ANKMY1: variants seen among roughly 807,000 people sequenced by gnomAD.
ANKMY1 encodes ankyrin repeat and MYND domain-containing protein 1.
ANKMY1 carries 98 observed loss-of-function variants against 102.0 expected under a neutral mutation model. That is an observed-to-expected ratio of 0.96 (90% CI 0.82 to 1.14). The LOEUF (loss-of-function observed/expected upper bound fraction) is 1.14, where lower values mean the gene tolerates loss of function less well. ANKMY1 is among the 50% of genes most tolerant of loss of function. ANKMY1 has a pLI of 0.00. For synonymous variants in ANKMY1, 582 were observed against 559.9 expected, an observed-to-expected ratio of 1.04 and a Z score of -0.56; for missense variants, 1,330 against 1,347.6, an observed-to-expected ratio of 0.99 and a Z score of 0.20.
At chr2:240,516,330 T>C (rs989505633) in intron 9 of ANKMY1, among the ~76,000 whole-genome samples, 1 of 152,048 alleles carries the variant, frequency 6.6e-6, no homozygotes, top group Non-Finnish European at 1.5e-5. Context: ...TTTTGGGGGG[T>C]ATTGGGTCCC....
chr2:240,523,489 T>A, intron 8 of ANKMY1: 1 of 237,110 alleles, frequency 4.2e-6, no homozygotes, highest in Admixed American at 5.1e-5. Flanking sequence ...ATAGACAGGG[T>A]GGACAGCAGG....
chr2:240,501,842 C>T (rs2078238503), intron 13 of ANKMY1, among the ~76,000 whole-genome samples: 1 of 152,212 alleles, frequency 6.6e-6, no homozygotes, highest in Non-Finnish European at 1.5e-5. Context: ...TGAGGCCAGG[C>T]AAGGCCTACG....
At chr2:240,496,820 T>C (rs996011691) in intron 15 of ANKMY1, among the ~76,000 whole-genome samples, 1 of 152,226 alleles carries the variant, frequency 6.6e-6, no homozygotes, top group Non-Finnish European at 1.5e-5. Flanking sequence ...ACTGATCCAA[T>C]TAGAATTCGA....
chr2:240,489,937 C>A (rs2076452229), intron 15 of ANKMY1, among the ~76,000 whole-genome samples: 1 of 152,172 alleles, frequency 6.6e-6, no homozygotes, highest in African/African-American at 2.4e-5. Flanking sequence ...TTCAATCTTG[C>A]TACTCATTAT....
At position 240,481,098 on chromosome 2, in the gene ANKMY1, C is replaced by T. The variant is rs1003333351; in HGVS notation, c.2886-1G>A. ...GTAGCAGAACTTGAAGAAGGGAATTCTGCAACAGAGCCTCACCGTCAGCAG... is the reference window on the plus strand; with the variant it reads ...GTAGCAGAACTTGAAGAAGGGAATTTTGCAACAGAGCCTCACCGTCAGCAG... On this transcript the variant is annotated splice_acceptor_variant, in intron 16 of 17. Transcript: ENST00000401804. LOFTEE classifies it high-confidence loss of function. The T allele has an allele frequency of 6.2e-7, 1 of 1,607,264 alleles. No homozygotes were observed. The highest frequency in any genetic ancestry group is 1.3e-5 in the African/African-American group (1 of 74,892).
At chr2:240,531,582 T>C (rs1353808986) in intron 4 of ANKMY1, among the ~76,000 whole-genome samples, 2 of 152,186 alleles carry the variant, frequency 1.3e-5, no homozygotes, top group Non-Finnish European at 2.9e-5. Flanking sequence ...ATGTAAAACA[T>C]GTATGAGTCT....
intron 3 of ANKMY1, chr2:240,554,627 T>A (rs917093408): frequency 3.9e-6 from 2 of 510,358 alleles, no homozygotes; most frequent in Non-Finnish European, 7.0e-6. Context: ...GAATAAGAAC[T>A]TATCTTCTTA....
chr2:240,532,034 C>T (rs778487989), intron 4 of ANKMY1: 7 of 447,600 alleles, frequency 1.6e-5, no homozygotes, highest in African/African-American at 6.2e-5. Context: ...ACCTGCAATT[C>T]GAGTACCAGA....
intron 9 of ANKMY1, among the ~76,000 whole-genome samples, chr2:240,517,800 T>A (rs1335022283): frequency 6.6e-6 from 1 of 152,132 alleles, no homozygotes; most frequent in Non-Finnish European, 1.5e-5. Flanking sequence ...AGTGGGACCC[T>A]GCCTCAAAAG....
intron 5 of ANKMY1, chr2:240,527,051 G>A (rs1384373332): frequency 1.0e-6 from 1 of 976,346 alleles, no homozygotes; most frequent in Admixed American, 5.7e-5. Context: ...GTAGGTGGAT[G>A]TATGTTGCAT....
At chr2:240,542,184 G>A (rs2089042298) in intron 4 of ANKMY1, among the ~76,000 whole-genome samples, 1 of 148,800 alleles carries the variant, frequency 6.7e-6, no homozygotes, top group Admixed American at 6.7e-5. Flanking sequence ...CTCTAGCCTG[G>A]GTGACAGCAA....
At chr2:240,500,228 T>C in intron 14 of ANKMY1, 105 bp from the exon 15 acceptor site, 1 of 1,380,582 alleles carries the variant, frequency 7.2e-7, no homozygotes, top group Non-Finnish European at 9.6e-7. Flanking sequence ...GATATATAAC[T>C]GAGGACGAAC....
chr2:240,557,430 G>A lies in ANKMY1; in HGVS notation c.-17-78C>T, dbSNP rs989649168. 6 of 1,393,416 alleles carry A rather than the reference G, an allele frequency of 4.3e-6. No homozygotes were observed. The Admixed American group carries it at 8.5e-5, about 20-fold the overall frequency. 86.3% of individuals were successfully genotyped at this position (1,393,416 alleles called of 1,614,324 possible). On this transcript the variant is annotated intron_variant, in intron 1 of 17. Coordinates refer to ENST00000401804, the MANE Select transcript of ANKMY1 (RefSeq NM_001282771.3). The stretch of plus-strand genomic sequence containing the variant: ...TCAGAGGGCGCCCGAGGCCCGGCCC[G>A]CGGCCCCTGAGCCTCAGAGAACCCA...
rs2081975658 is a variant in ANKMY1 at position 240,520,389 on chromosome 2, C to T, written c.1977G>A (p.Ala659=). The T allele has an allele frequency of 7.6e-6, 12 of 1,581,852 alleles. No individual in the cohort carries two copies. Among genetic ancestry groups the T allele is most frequent in the Non-Finnish European group, 1.0e-5 (12 of 1,163,916 alleles). ...DGVRLLLEHG[A]RTDICFPPQL... is the part of the protein sequence containing the mutation. ...GCGGCGGAAAGCAGATGTCGGTCCT[C>T]GCCCCGTGCTCCAGCAGCAGCCTCA... Residue 659 remains alanine, a synonymous_variant, in exon 9 of 18, where the codon GCG becomes GCA. Coordinates refer to ENST00000401804, the MANE Select transcript of ANKMY1 (RefSeq NM_001282771.3). The surrounding 1 kb of genome is among the most constrained non-coding windows in gnomAD (Gnocchi z 4.8).
chr2:240,474,253 G>C, the ANKMY1 span, among the ~76,000 whole-genome samples: 1 of 142,214 alleles, frequency 7.0e-6, no homozygotes, highest in Non-Finnish European at 1.5e-5. Context: ...CCACCACCAT[G>C]CCTGGCTAAT....
In ANKMY1 at chr2:240,481,021, C is replaced by T. The variant is rs149189286; in HGVS notation, c.2962G>A (p.Gly988Arg). 1.3e-5 allele frequency: 21 copies of T among 1,613,966 alleles called. No homozygotes were observed. The East Asian group carries it at 2.5e-4, about 19-fold the overall frequency. The change falls in exon 17 of 18, where the codon GGG (glycine) becomes AGG (arginine). Residue 988 changes from glycine to arginine, a missense_variant. By Grantham distance (125) the Gly-to-Arg change is moderately radical. Coordinates refer to ENST00000401804, the MANE Select transcript of ANKMY1 (RefSeq NM_001282771.3). Reference sequence around the variant, plus strand: ...CAGTACTTGCTGCAGGTCAGGATCCCGTAGCAGCGAGGGCAGGGCAAGAGG... The same window carrying T: ...CAGTACTTGCTGCAGGTCAGGATCCTGTAGCAGCGAGGGCAGGGCAAGAGG... ...VRLLPCPRCY[G>R]ILTCSKYCKT...
upstream of ANKMY1, chr2:240,560,814 G>A (rs749489665): frequency 2.8e-6 from 4 of 1,438,082 alleles, no homozygotes; most frequent in Non-Finnish European, 3.6e-6. Context: ...GGCGCGCGCG[G>A]GAGTCACGCT....
intron 7 of ANKMY1, among the ~76,000 whole-genome samples, chr2:240,525,388 T>A (rs2083149263): frequency 6.6e-6 from 1 of 152,216 alleles, no homozygotes; most frequent in South Asian, 2.1e-4. Context: ...TTGGGGGCAT[T>A]GTCATGGATG....
intron 4 of ANKMY1, among the ~76,000 whole-genome samples, chr2:240,537,774 C>G (rs1275696086): frequency 1.3e-5 from 2 of 152,238 alleles, no homozygotes; most frequent in African/African-American, 4.8e-5. Flanking sequence ...CTTCTGCACG[C>G]TGTAAACCAC....
Sources: allele counts gnomAD v4.1 joint callset (sites outside exome capture counted in the v4.1 genomes callset), GRCh38; gene constraint gnomAD v4.1.1; non-coding constraint Gnocchi (gnomAD v3.1); transcripts MANE v1.5; gene names NCBI Gene and HGNC (gene_info 2026-07-23, HGNC 2026-07-21).